The following MTERF4 variants were observed in gnomAD, a reference collection of about 807,000 sequenced individuals.
MTERF4 encodes the protein transcription termination factor 4, mitochondrial.
A neutral mutation model predicts 22.5 loss-of-function variants in MTERF4; 17 were observed. That is an observed-to-expected ratio of 0.75 (90% confidence interval 0.52 to 1.13). The LOEUF is 1.13. MTERF4 is among the 50% of genes most tolerant of loss of function. The pLI is 0.00. For synonymous variants in MTERF4, 165 were observed against 175.3 expected, an observed-to-expected ratio of 0.94 and a Z score of 0.47; for missense variants, 420 against 466.8, an observed-to-expected ratio of 0.90 and a Z score of 0.92.
At chr2:241,050,983 C>A in the MTERF4 span, among the ~76,000 whole-genome samples, 1 of 152,226 alleles carries the variant, frequency 6.6e-6, no homozygotes, top group African/African-American at 2.4e-5. Context: ...AATGTGGACA[C>A]CTCTGACCCC....
downstream of MTERF4, chr2:241,070,194 C>A (rs1445082727): frequency 6.2e-7 from 1 of 1,605,140 alleles, no homozygotes; most frequent in Non-Finnish European, 8.5e-7. Context: ...ACCTCTACAT[C>A]ATCACCTGTG....
chr2:241,052,741 T>G, the MTERF4 span, among the ~76,000 whole-genome samples: 13 of 13,656 alleles, frequency 9.5e-4, no homozygotes, highest in Admixed American at 4.5e-3. Context: ...GCCAGGCAGG[T>G]GAGAGGGCCG....
chr2:241,052,027 G>C, the MTERF4 span: 4 of 1,611,790 alleles, frequency 2.5e-6, no homozygotes, highest in Non-Finnish European at 3.4e-6. Flanking sequence ...CCCTGACCTG[G>C]CTTCTGTTTC....
At chr2:241,083,345 G>A (rs1235892609), downstream of MTERF4, among the ~76,000 whole-genome samples, 2 of 152,016 alleles carry the variant, frequency 1.3e-5, no homozygotes, top group African/African-American at 4.8e-5. Context: ...AACCCTCGGG[G>A]CCATGGAGAC....
At chr2:241,047,697 G>A in the MTERF4 span, among the ~76,000 whole-genome samples, 1 of 152,374 alleles carries the variant, frequency 6.6e-6, no homozygotes, top group Admixed American at 6.5e-5. Context: ...GGAGGCCCCT[G>A]GCCCCTGGGT....
the MTERF4 span, among the ~76,000 whole-genome samples, chr2:241,066,243 T>G: frequency 6.6e-6 from 1 of 152,024 alleles, no homozygotes; most frequent in East Asian, 1.9e-4. Context: ...GTGCACAGCC[T>G]GTGGGGTTGT....
downstream of MTERF4, chr2:241,069,814 G>T: frequency 7.7e-7 from 1 of 1,305,468 alleles, no homozygotes; most frequent in Non-Finnish European, 1.1e-6. The surrounding 1 kb of genome is among the most constrained non-coding windows in gnomAD (Gnocchi z 4.9). Flanking sequence ...TAAAGAATCT[G>T]GCTTCCAGCA....
the MTERF4 span, among the ~76,000 whole-genome samples, chr2:241,056,725 C>T: frequency 2.2e-4 from 34 of 151,940 alleles, no homozygotes; most frequent in Non-Finnish European, 8.8e-5. Flanking sequence ...GGACTACAGG[C>T]GCCCATCACC....
At chr2:241,089,608 C>T (rs2063779101), downstream of MTERF4, among the ~76,000 whole-genome samples, 1 of 152,228 alleles carries the variant, frequency 6.6e-6, no homozygotes, top group Admixed American at 6.5e-5. Context: ...CGGCAGCATT[C>T]ACTTCCTGTT....
chr2:241,099,661 C>A lies in MTERF4; in HGVS notation c.255G>T (p.Val85=). The change falls in exon 2 of 4, where the codon GTG becomes GTT. Residue 85 remains valine, a synonymous_variant. Transcript: ENST00000391980. ...QCLLEKQGTP[V]VQGSLELERV... is the part of the protein sequence containing the mutation. ...TCTCTAGCTCCAAGGACCCTTGTAC[C>A]ACAGGAGTCCCCTGCTTCTCAAGGA... 1 of 1,614,180 alleles carries A rather than the reference C, an allele frequency of 6.2e-7. No individual in the cohort carries two copies.
chr2:241,043,466 A>G, the MTERF4 span, among the ~76,000 whole-genome samples: 1 of 152,216 alleles, frequency 6.6e-6, no homozygotes, highest in East Asian at 1.9e-4. Flanking sequence ...AACAAAAATG[A>G]AGAGCATTCA....
chr2:241,063,738 T>A, the MTERF4 span: 7 of 1,392,272 alleles, frequency 5.0e-6, no homozygotes, highest in Admixed American at 1.3e-4. Flanking sequence ...ATGCAGAGCC[T>A]GGGCCTCTGG....
chr2:241,074,812 C>T (rs2062943495), exon 5 of MTERF4: 2 of 152,164 alleles, frequency 1.3e-5, no homozygotes, highest in African/African-American at 4.8e-5. Flanking sequence ...AAGAACCCAA[C>T]CTATAAACTT....
At chr2:241,069,041 G>T (rs547587141), downstream of MTERF4, 28 of 1,516,880 alleles carry the variant, frequency 1.8e-5, no homozygotes, top group Non-Finnish European at 2.1e-5. The surrounding 1 kb of genome is among the most constrained non-coding windows in gnomAD (Gnocchi z 4.9). Flanking sequence ...GAGCAGCGCG[G>T]CCCCCGGCAC....
At chr2:241,067,873 G>T, downstream of MTERF4, 1 of 1,613,512 alleles carries the variant, frequency 6.2e-7, no homozygotes, top group South Asian at 1.1e-5. Flanking sequence ...GGGTCCGTGT[G>T]TCCATCCGCC....
At chr2:241,071,459 C>A, downstream of MTERF4, 4 of 1,230,016 alleles carry the variant, frequency 3.3e-6, no homozygotes, top group South Asian at 2.7e-5. Flanking sequence ...CACGCACATG[C>A]CCCCCTTCCC....
At chr2:241,094,496 C>G (rs2064257809), downstream of MTERF4, 1 of 447,466 alleles carries the variant, frequency 2.2e-6, no homozygotes, top group Admixed American at 2.5e-5. The surrounding 1 kb of genome is among the most constrained non-coding windows in gnomAD (Gnocchi z 4.3). Flanking sequence ...CAGCTCACAC[C>G]TACCAGGGGT....
At chr2:241,050,720 C>G in the MTERF4 span, among the ~76,000 whole-genome samples, 4 of 152,202 alleles carry the variant, frequency 2.6e-5, no homozygotes, top group Admixed American at 2.0e-4. Context: ...CTTTGTCTCT[C>G]AACACACTCC....
chr2:241,084,590 G>T (rs1274936151), downstream of MTERF4, among the ~76,000 whole-genome samples: 2 of 152,170 alleles, frequency 1.3e-5, no homozygotes, highest in Non-Finnish European at 2.9e-5. Flanking sequence ...ATTATTATCA[G>T]ACTTTTTCCT....
Sources: gnomAD v4.1 joint callset for allele counts (sites outside exome capture counted in the v4.1 genomes callset) on GRCh38, gnomAD v4.1.1 for gene constraint, Gnocchi (gnomAD v3.1) non-coding constraint, MANE v1.5 for transcripts, NCBI Gene and HGNC (gene_info 2026-07-23, HGNC 2026-07-21) for gene names.